SPTA1: variants seen among roughly 807,000 people sequenced by gnomAD.
SPTA1 encodes spectrin alpha, erythrocytic 1.
SPTA1 carries 177 observed loss-of-function variants against 324.7 expected under a neutral mutation model. That is an observed-to-expected ratio of 0.55 (90% CI 0.48 to 0.62). The LOEUF is 0.62. Among genes scored for constraint, SPTA1 ranks in the 20% least tolerant of loss-of-function variants. The pLI is 0.00. For synonymous variants in SPTA1, 1,195 were observed against 1,041.3 expected, an observed-to-expected ratio of 1.15 and a Z score of -2.84; for missense variants, 3,162 against 2,883.6, an observed-to-expected ratio of 1.10 and a Z score of -2.21.
intron 20 of SPTA1, among the ~76,000 whole-genome samples, chr1:158,655,410 AC>A (rs1286596224): frequency 6.6e-6 from 1 of 151,996 alleles, no homozygotes; most frequent in East Asian, 1.9e-4. Context: ...GCAAAACATA[AC>A]CCCTCTTCCT....
intron 44 of SPTA1, among the ~76,000 whole-genome samples, 157 bp from the exon 45 acceptor site, chr1:158,619,491 C>A (rs1366298499): frequency 6.6e-6 from 1 of 152,164 alleles, no homozygotes; most frequent in Non-Finnish European, 1.5e-5. Context: ...ATGCAGTCAA[C>A]CTCTCTCACC....
rs1233909167 is a variant in SPTA1 at position 158,653,419 on chromosome 1, A to C, written c.3043T>G (p.Trp1015Gly). Residue 1015 changes from tryptophan (W) to glycine (G), a missense_variant, in exon 22 of 52, where the codon TGG (tryptophan) becomes GGG (glycine). Coordinates refer to ENST00000643759, the MANE Select transcript of SPTA1 (RefSeq NM_003126.4). The stretch of plus-strand genomic sequence containing the variant: ...TGATGATCAGCAGCTTCCACCTTCC[A>C]CCAGTCCTGAAGGGAGAGCAGATCC... ...TLLSSINKDW[W>G]KVEAADHQGI... 16 of 1,613,744 alleles carry C rather than the reference A, an allele frequency of 9.9e-6. No individual in the cohort carries two copies. The highest frequency in any genetic ancestry group is 1.4e-5 in the Non-Finnish European group (16 of 1,179,944).
chr1:158,629,117 CAATA>C (rs1215445855), intron 39 of SPTA1, among the ~76,000 whole-genome samples: 34 of 147,048 alleles, frequency 2.3e-4, no homozygotes, highest in Non-Finnish European at 4.0e-4. Context: ...ATAATTCTCT[CAATA>C]GATAGATAGA....
chr1:158,686,057 G>T (rs923309770), intron 1 of SPTA1, among the ~76,000 whole-genome samples: 2 of 152,130 alleles, frequency 1.3e-5, no homozygotes, highest in Admixed American at 1.3e-4. Context: ...TCACCATAGG[G>T]TTCACCTTCA....
intron 10 of SPTA1, among the ~76,000 whole-genome samples, chr1:158,673,048 G>A (rs369067963): frequency 6.6e-6 from 1 of 152,136 alleles, no homozygotes; most frequent in East Asian, 1.9e-4. Flanking sequence ...CTGGAACTCG[G>A]GAGGCAGAGG....
At chr1:158,669,834 G>GAAGGAAA in intron 12 of SPTA1, 48 bp from the exon 13 acceptor site, 1 of 1,573,674 alleles carries the variant, frequency 6.4e-7, no homozygotes, top group Non-Finnish European at 8.7e-7. Flanking sequence ...AGTGACCACT[G>GAAGGAAA]AGTAAGTGGC....
At chr1:158,660,787 C>T (rs1653155941) in intron 18 of SPTA1, among the ~76,000 whole-genome samples, 1 of 152,146 alleles carries the variant, frequency 6.6e-6, no homozygotes. Context: ...CAAAACTGAA[C>T]ATCATACTTA....
intron 17 of SPTA1, 97 bp from the exon 18 acceptor site, chr1:158,661,506 CT>C (rs2101889468): frequency 6.7e-7 from 1 of 1,503,124 alleles, no homozygotes; most frequent in East Asian, 2.3e-5. Context: ...AGGTTCTTTC[CT>C]TTGAAGTTCT....
chr1:158,658,424 G>C (rs1193461763), intron 18 of SPTA1, among the ~76,000 whole-genome samples: 1 of 152,168 alleles, frequency 6.6e-6, no homozygotes, highest in Non-Finnish European at 1.5e-5. Flanking sequence ...ATCCTGGAGG[G>C]TGAGAAAAGA....
chr1:158,643,477 T>C (rs764859862), intron 30 of SPTA1, 52 bp from the exon 31 acceptor site: 2 of 1,539,086 alleles, frequency 1.3e-6, no homozygotes, highest in East Asian at 2.3e-5. Flanking sequence ...AGGCTCTTGG[T>C]GCAATCCCAG....
At chr1:158,685,466 T>A in intron 1 of SPTA1, 119 bp from the exon 2 acceptor site, 1 of 1,389,144 alleles carries the variant, frequency 7.2e-7, no homozygotes, top group Non-Finnish European at 1.0e-6. Context: ...CTGAAGTTTC[T>A]AGGGACTATT....
Position 158,611,325 on chromosome 1 carries a change from C to A in SPTA1, c.7199G>T (p.Gly2400Val), listed in dbSNP as rs770750207. Residue 2400 changes from glycine to valine, a missense_variant, in exon 52 of 52, where the codon GGT (glycine) becomes GTT (valine). By Grantham distance (109) the Gly-to-Val change is moderately radical (BLOSUM62 -3). Coordinates refer to ENST00000643759, the MANE Select transcript of SPTA1 (RefSeq NM_003126.4). The part of the protein sequence containing the change: ...THMQQYMDPR[G>V]RSHLSGYDYV... Reference sequence around the variant, plus strand: ...GTCATAGCCAGAGAGATGGCTTCGACCCCGTGGGTCCATATATTGCTGCAT... The same window carrying A: ...GTCATAGCCAGAGAGATGGCTTCGAACCCGTGGGTCCATATATTGCTGCAT... 8.1e-6 allele frequency: 13 copies of A among 1,613,674 alleles called. No individual in the cohort carries two copies. The South Asian group carries it at 1.3e-4, about 16-fold the overall frequency.
chr1:158,645,356 A>G lies in SPTA1; in HGVS notation c.4026T>C (p.Ala1342=), dbSNP rs1412439290. ...AGTCCTCTAAGGCCTGGAAGGTGGG[A>G]GCCTCTGCCTCCATGTCAGCACGGT... The part of the protein sequence containing the change: ...QEHRADMEAE[A]PTFQALEDFS... Residue 1342 remains alanine (A), a synonymous_variant, in exon 29 of 52, where the codon GCT becomes GCC. Coordinates refer to ENST00000643759, the MANE Select transcript of SPTA1 (RefSeq NM_003126.4). The G allele has an allele frequency of 4.3e-6, 7 of 1,613,662 alleles. No individual in the cohort carries two copies. Among genetic ancestry groups the G allele is most frequent in the Non-Finnish European group, 4.2e-6 (5 of 1,179,920 alleles).
At chr1:158,652,351 A>G in intron 23 of SPTA1, 116 bp downstream of exon 23, 1 of 1,226,650 alleles carries the variant, frequency 8.2e-7, no homozygotes, top group Non-Finnish European at 1.2e-6. Context: ...CAGAGTTGCC[A>G]ATAGCTTTGG....
rs1207013351 is a variant in SPTA1 at position 158,614,295 on chromosome 1, C to T, written c.6800G>A (p.Gly2267Asp). The change falls in exon 49 of 52, where the codon GGT becomes GAT. Residue 2267 changes from glycine to aspartate, a missense_variant. Transcript: ENST00000643759. ...TTCCTTTAGAGTCTCTTCACTCACA[C>T]CTTTGATGTCCCTGAAAGAAAAAAA... is the stretch of plus-strand genomic sequence containing the variant. Reference protein sequence around the residue: ...EQQIQAKDIKGVSEETLKEFS... With the variant: ...EQQIQAKDIKDVSEETLKEFS... The T allele has an allele frequency of 6.3e-7, 1 of 1,577,414 alleles. No homozygotes were observed. Among genetic ancestry groups the T allele is most frequent in the South Asian group, 1.1e-5 (1 of 89,720 alleles).
At chr1:158,618,727 T>C (rs1440529558) in intron 45 of SPTA1, among the ~76,000 whole-genome samples, 2 of 152,218 alleles carry the variant, frequency 1.3e-5, no homozygotes, top group African/African-American at 2.4e-5. Flanking sequence ...GAGGTATTCA[T>C]AGAAGATTCT....
At chr1:158,681,772 T>C in intron 3 of SPTA1, 105 bp from the exon 4 acceptor site, 1 of 1,413,282 alleles carries the variant, frequency 7.1e-7, no homozygotes, top group South Asian at 1.2e-5. Flanking sequence ...TTCTCTCAGT[T>C]ACTCATGCAT....
At chr1:158,681,455 A>T (rs890174182) in intron 4 of SPTA1, 72 bp downstream of exon 4, 1 of 1,607,228 alleles carries the variant, frequency 6.2e-7, no homozygotes, top group Non-Finnish European at 8.5e-7. Context: ...AGTAGTCTGC[A>T]GTAATTTGCT....
At chr1:158,661,963 G>C (rs1653248883) in intron 17 of SPTA1, among the ~76,000 whole-genome samples, 1 of 152,144 alleles carries the variant, frequency 6.6e-6, no homozygotes, top group Non-Finnish European at 1.5e-5. Flanking sequence ...CATCTTCTAA[G>C]ATCCCGAAAT....
Sources: allele counts gnomAD v4.1 joint callset (sites outside exome capture counted in the v4.1 genomes callset), GRCh38; gene constraint gnomAD v4.1.1; transcripts MANE v1.5; gene names NCBI Gene and HGNC (gene_info 2026-07-23, HGNC 2026-07-21).